Variants in AKAP19 observed in about 807,000 individuals in gnomAD.
AKAP19 encodes small A-kinase anchoring protein.
chr2:189,934,282 T>C, the AKAP19 span, among the ~76,000 whole-genome samples: 1 of 152,076 alleles, frequency 6.6e-6, no homozygotes, highest in Non-Finnish European at 1.5e-5. Context: ...TGTTTAGCCA[T>C]TTCTGAACAC....
the AKAP19 span, among the ~76,000 whole-genome samples, chr2:190,145,301 T>C: frequency 6.6e-6 from 1 of 152,198 alleles, no homozygotes; most frequent in Non-Finnish European, 1.5e-5. Flanking sequence ...GATAGAACTC[T>C]TCCTTTTTCT....
chr2:189,993,078 C>T, the AKAP19 span, among the ~76,000 whole-genome samples: 19 of 152,212 alleles, frequency 1.2e-4, no homozygotes, highest in Non-Finnish European at 1.5e-5. Context: ...TGAAAGTGGG[C>T]ATCCTTGTCT....
At chr2:190,063,183 G>A in the AKAP19 span, among the ~76,000 whole-genome samples, 235 of 152,108 alleles carry the variant, frequency 1.5e-3, no homozygotes, top group Non-Finnish European at 2.8e-3. Flanking sequence ...TTAGTGCCAA[G>A]TAATTAGGAA....
At chr2:189,926,628 T>G in the AKAP19 span, among the ~76,000 whole-genome samples, 1 of 124,362 alleles carries the variant, frequency 8.0e-6, no homozygotes, top group Admixed American at 9.3e-5. Flanking sequence ...TCGCCCAGGC[T>G]GGAGTGCAGT....
At chr2:189,974,152 T>C in the AKAP19 span, among the ~76,000 whole-genome samples, 1 of 152,308 alleles carries the variant, frequency 6.6e-6, no homozygotes, top group South Asian at 2.1e-4. Context: ...CTGCTTTAAA[T>C]GTGTCCCAGA....
At chr2:190,181,517 T>G in the AKAP19 span, 1 of 152,162 alleles carries the variant, frequency 6.6e-6, no homozygotes, top group African/African-American at 2.4e-5. Context: ...TTTGGAGCTG[T>G]GGGAGGCTGA....
chr2:190,144,497 T>A, the AKAP19 span, among the ~76,000 whole-genome samples: 80,455 of 152,010 alleles, frequency 0.53, 21,920 homozygotes, highest in Middle Eastern at 0.64. Flanking sequence ...CACATAGAAA[T>A]CTCATTCCTC....
At chr2:190,174,140 T>C in the AKAP19 span, among the ~76,000 whole-genome samples, 1,215 of 152,270 alleles carry the variant, frequency 8.0e-3, 17 homozygotes, top group African/African-American at 0.027. Context: ...GGGAAAAACA[T>C]AGCAGTAGGG....
the AKAP19 span, chr2:190,062,719 C>G: frequency 1.1e-6 from 1 of 872,092 alleles, no homozygotes; most frequent in Non-Finnish European, 1.7e-6. Flanking sequence ...ACTTGCCACA[C>G]CAGTGAATCT....
chr2:189,954,010 T>C, the AKAP19 span, among the ~76,000 whole-genome samples: 1 of 152,322 alleles, frequency 6.6e-6, no homozygotes, highest in African/African-American at 2.4e-5. Flanking sequence ...AGGATGTATG[T>C]TGAGCCAGAC....
chr2:189,990,622 C>T, the AKAP19 span, among the ~76,000 whole-genome samples: 2 of 152,218 alleles, frequency 1.3e-5, no homozygotes, highest in Non-Finnish European at 2.9e-5. Context: ...TAATACTGGC[C>T]TCATAGAATA....
chr2:190,157,561 A>C, the AKAP19 span, among the ~76,000 whole-genome samples: 1 of 152,228 alleles, frequency 6.6e-6, no homozygotes, highest in South Asian at 2.1e-4. Flanking sequence ...AACACCTTTC[A>C]TGATTATCTG....
chr2:189,954,151 C>T, the AKAP19 span, among the ~76,000 whole-genome samples: 7 of 152,130 alleles, frequency 4.6e-5, no homozygotes, highest in Non-Finnish European at 8.8e-5. Flanking sequence ...AGAAACATTC[C>T]GCAAGTCTTT....
At chr2:190,109,433 G>A in the AKAP19 span, among the ~76,000 whole-genome samples, 51 of 151,780 alleles carry the variant, frequency 3.4e-4, no homozygotes, top group African/African-American at 1.2e-3. Context: ...TGCCCCCTCC[G>A]CTGACAGTGG....
the AKAP19 span, among the ~76,000 whole-genome samples, chr2:190,083,742 A>T: frequency 1.3e-5 from 2 of 152,182 alleles, no homozygotes; most frequent in Non-Finnish European, 2.9e-5. Context: ...CATAGCAAGA[A>T]GCTTCAAGAG....
At chr2:190,002,997 T>C in the AKAP19 span, among the ~76,000 whole-genome samples, 1 of 152,172 alleles carries the variant, frequency 6.6e-6, no homozygotes, top group Non-Finnish European at 1.5e-5. Flanking sequence ...TTTTTAATGT[T>C]GTTAATAAAG....
At chr2:189,968,072 T>C in the AKAP19 span, among the ~76,000 whole-genome samples, 9 of 152,024 alleles carry the variant, frequency 5.9e-5, no homozygotes, top group Non-Finnish European at 5.9e-5. Context: ...CAGTGTGTTG[T>C]AAGTTGAGAG....
At chr2:189,935,838 A>G in the AKAP19 span, among the ~76,000 whole-genome samples, 1 of 152,148 alleles carries the variant, frequency 6.6e-6, no homozygotes, top group African/African-American at 2.4e-5. Flanking sequence ...ATACATGCCA[A>G]GTAGGTTTGC....
chr2:190,091,718 C>T, the AKAP19 span, among the ~76,000 whole-genome samples: 2 of 152,082 alleles, frequency 1.3e-5, no homozygotes, highest in Non-Finnish European at 2.9e-5. Context: ...TGATCCCTTT[C>T]AACTACAGAA....
Sources: gnomAD v4.1 joint callset for allele counts (sites outside exome capture counted in the v4.1 genomes callset) on GRCh38, gnomAD v4.1.1 for gene constraint, MANE v1.5 for transcripts, NCBI Gene and HGNC (gene_info 2026-07-23, HGNC 2026-07-21) for gene names.